The following ZNF442 variants were observed in gnomAD, a reference collection of about 807,000 sequenced individuals.
The protein encoded by ZNF442 is zinc finger protein 442.
A neutral mutation model predicts 57.0 loss-of-function variants in ZNF442; 45 were observed. The observed-to-expected ratio is 0.79, with a 90% confidence interval of 0.62 to 1.01. The LOEUF (loss-of-function observed/expected upper bound fraction) is 1.01, where lower values mean the gene tolerates loss of function less well. ZNF442 is among the 50% of genes least tolerant of loss of function. ZNF442 has a pLI of 0.00. For synonymous variants in ZNF442, 213 were observed against 241.8 expected (o/e 0.88, Z 1.10); for missense variants, 690 against 756.5 (o/e 0.91, Z 1.03).
At chr19:12,362,445 G>C (rs1286941983) in intron 3 of ZNF442, among the ~76,000 whole-genome samples, 1 of 151,072 alleles carries the variant, frequency 6.6e-6, no homozygotes, top group African/African-American at 2.4e-5. Context: ...GTCTCTGCCC[G>C]GCCGCCCCGT....
rs189126178 is a variant in ZNF442, at chr19:12,358,032, G to A, written c.79-4918C>T. 8.0e-5 allele frequency among the ~76,000 whole-genome samples: 12 copies of A among 149,780 alleles called. No individual in the cohort carries two copies. The South Asian group carries it at 8.4e-4, about 11-fold the overall frequency. On this transcript the variant is annotated intron_variant, in intron 3 of 5. Transcript: ENST00000242804. ...GGCTGGAGTGCAATGGCGCGATCTC[G>A]GCTCACTGCATCCTCTGCCTCCTGG...
intron 3 of ZNF442, among the ~76,000 whole-genome samples, chr19:12,359,098 G>C (rs1302192849): frequency 6.6e-6 from 1 of 152,134 alleles, no homozygotes; most frequent in East Asian, 1.9e-4. Flanking sequence ...TACCCACCCA[G>C]CAAATCCAAA....
the ZNF442 span, among the ~76,000 whole-genome samples, chr19:12,372,921 A>C: frequency 2.6e-5 from 4 of 152,260 alleles, no homozygotes; most frequent in East Asian, 1.9e-4. Flanking sequence ...CTATAGGCAC[A>C]TGCCACCATG....
At chr19:12,369,305 T>C (rs1227918499), upstream of ZNF442, among the ~76,000 whole-genome samples, 1 of 152,234 alleles carries the variant, frequency 6.6e-6, no homozygotes, top group African/African-American at 2.4e-5. Context: ...ATCATAAACA[T>C]GTCTCTTTAT....
upstream of ZNF442, among the ~76,000 whole-genome samples, chr19:12,368,360 T>G (rs1460485952): frequency 6.6e-6 from 1 of 152,210 alleles, no homozygotes; most frequent in Non-Finnish European, 1.5e-5. Context: ...CTTCACAATT[T>G]ATGTTCAGAG....
At chr19:12,352,855 C>A in intron 4 of ZNF442, 133 bp downstream of exon 4, 2 of 1,082,864 alleles carry the variant, frequency 1.8e-6, no homozygotes, top group Non-Finnish European at 2.6e-6. Context: ...GTTGGGGACC[C>A]AGCACCACTT....
rs1969518405 is a variant in ZNF442 at position 12,365,573 on chromosome 19, T to C, written c.-523A>G. ...GCGGTGTCCCGTGTTCTCCCCAAGG[T>C]TCCCCGCTGCCAGCATAGGACTCAG... On this transcript the variant is annotated 5_prime_UTR_variant, in exon 1 of 6. Coordinates refer to ENST00000242804, the MANE Select transcript of ZNF442 (RefSeq NM_030824.3). The C allele has an allele frequency of 2.4e-6, 1 of 419,018 alleles. No homozygotes were observed. Among genetic ancestry groups the C allele is most frequent in the Non-Finnish European group, 4.4e-6 (1 of 225,210 alleles). The allele number at this position is 419,018 out of a possible 1,614,324, so 26.0% of individuals were successfully genotyped here.
rs779460436 is a variant in ZNF442 at position 12,351,258 on chromosome 19, T to A, written c.327A>T (p.Lys109Asn). 1 of 1,613,960 alleles carries A rather than the reference T, an allele frequency of 6.2e-7. No homozygotes were observed. The highest frequency in any genetic ancestry group is 8.5e-7 in the Non-Finnish European group (1 of 1,179,976). Residue 109 changes from lysine (K) to asparagine (N), a missense_variant, in exon 6 of 6, where the codon AAA becomes AAT. By Grantham distance (94) the Lys-to-Asn change is moderately conservative. Transcript: ENST00000242804. ...TTTTACATGGATCTACTCCAGGAGG[T>A]TTTTCATTCACAGTACTATCTGGCT... ...SRQPDSTVNE[K>N]PPGVDPCKSS...
intron 3 of ZNF442, among the ~76,000 whole-genome samples, chr19:12,362,053 G>T (rs1373751944): frequency 6.6e-6 from 1 of 152,180 alleles, no homozygotes. Context: ...GTGCAATGGC[G>T]TGATCTCGGC....
In ZNF442 at chr19:12,365,587, C is replaced by A; in HGVS notation, c.-537G>T. On this transcript the variant is annotated 5_prime_UTR_variant, in exon 1 of 6. It removes an upstream start codon present in the reference 5' UTR. Transcript: ENST00000242804. ...TCTCCCCAAGGTTCCCCGCTGCCAG[C>A]ATAGGACTCAGCGTGACAGTGCCTG... The A allele has an allele frequency of 7.9e-6, 3 of 377,712 alleles. No homozygotes were observed. The highest frequency in any genetic ancestry group is 3.0e-5 in the South Asian group (1 of 33,322). The allele number at this position is 377,712 out of a possible 1,614,324, so 23.4% of individuals were successfully genotyped here. A position where few individuals can be genotyped will look rare whatever the true frequency, so the allele number is the denominator to read the frequency against.
intron 2 of ZNF442, among the ~76,000 whole-genome samples, chr19:12,364,418 A>AAAAAAAAAAG (rs1555756631): frequency 1.3e-5 from 2 of 151,738 alleles, no homozygotes; most frequent in African/African-American, 4.8e-5. Context: ...AAAAAAAAAA[A>AAAAAAAAAAG]AAAGAAAGAA....
Position 12,352,048 on chromosome 19 carries a change from G to A in ZNF442, c.228C>T (p.Asn76=), listed in dbSNP as rs745545131. 3 of 1,613,636 alleles carry A rather than the reference G, an allele frequency of 1.9e-6. No homozygotes were observed. The highest frequency in any genetic ancestry group is 2.2e-5 in the East Asian group (1 of 44,842). ...DCIGMKWEDT[N]IEDQHRNPRR... The stretch of plus-strand genomic sequence containing the variant: ...TGGGATTTCTGTGCTGATCTTCAAT[G>A]TTTGTGTCTTCCCATTTCATTCCTA... The change falls in exon 5 of 6, where the codon AAC becomes AAT. Residue 76 remains asparagine, a synonymous_variant. Transcript: ENST00000242804.
chr19:12,370,289 G>C (rs1969570313), upstream of ZNF442, among the ~76,000 whole-genome samples: 1 of 151,692 alleles, frequency 6.6e-6, no homozygotes, highest in Non-Finnish European at 1.5e-5. Context: ...CCTTGTGTGC[G>C]CAGCTCACAA....
intron 3 of ZNF442, among the ~76,000 whole-genome samples, chr19:12,362,618 C>T (rs1198823109): frequency 1.4e-5 from 2 of 145,164 alleles, no homozygotes; most frequent in Non-Finnish European, 3.0e-5. Context: ...TGGCAGCCGC[C>T]CCCTCCGGGA....
In ZNF442 at chr19:12,349,832, G is replaced by A. The variant is rs769220860; in HGVS notation, c.1753C>T (p.Arg585Cys). 6 of 1,596,044 alleles carry A rather than the reference G, an allele frequency of 3.8e-6. No homozygotes were observed. Among genetic ancestry groups the A allele is most frequent in the Admixed American group, 3.5e-5 (2 of 57,364 alleles). The change falls in exon 6 of 6, where the codon CGT (arginine) becomes TGT (cysteine). Residue 585 changes from arginine (R) to cysteine (C), a missense_variant. By Grantham distance (180) the Arg-to-Cys change is radical. Coordinates refer to ENST00000242804, the MANE Select transcript of ZNF442 (RefSeq NM_030824.3). Reference protein sequence around the residue: ...QQCGKAFTRSRFLRGHEKTHT... With the variant: ...QQCGKAFTRSCFLRGHEKTHT... ...GTTTTTTCATGTCCTCGAAGGAAAC[G>A]AGAACGAGTGAAGGCTTTACCACAT...
At chr19:12,351,388 G>A (rs1033465834) in intron 5 of ZNF442, 70 bp from the exon 6 acceptor site, 1 of 1,409,504 alleles carries the variant, frequency 7.1e-7, no homozygotes, top group Middle Eastern at 2.0e-4. Context: ...AGTAGGTACT[G>A]GATTTACATT....
chr19:12,358,398 G>T (rs1270295557), intron 3 of ZNF442, among the ~76,000 whole-genome samples: 1 of 152,160 alleles, frequency 6.6e-6, no homozygotes, highest in Non-Finnish European at 1.5e-5. Context: ...TGGCTGAATA[G>T]TATCCCAATG....
chr19:12,360,118 TA>T (rs777140729), intron 3 of ZNF442, among the ~76,000 whole-genome samples: 1 of 152,178 alleles, frequency 6.6e-6, no homozygotes, highest in Non-Finnish European at 1.5e-5. Flanking sequence ...TATTTTATTT[TA>T]TTTTTTTTGA....
chr19:12,353,182 C>G, intron 3 of ZNF442, 68 bp from the exon 4 acceptor site: 1 of 1,496,740 alleles, frequency 6.7e-7, no homozygotes, highest in East Asian at 2.4e-5. Context: ...ACACCCACTT[C>G]ATAAACTTTG....
Sources: gnomAD v4.1 joint callset for allele counts (sites outside exome capture counted in the v4.1 genomes callset) on GRCh38, gnomAD v4.1.1 for gene constraint, MANE v1.5 for transcripts, NCBI Gene and HGNC (gene_info 2026-07-23, HGNC 2026-07-21) for gene names.